The following RUNDC3B variants were observed in gnomAD, a reference collection of about 807,000 sequenced individuals.
RUNDC3B encodes the protein RUN domain-containing protein 3B.
A neutral mutation model predicts 58.4 loss-of-function variants in RUNDC3B; 33 were observed. The ratio of observed to expected loss-of-function variants is 0.56; its 90% CI spans 0.43 to 0.75. The LOEUF (loss-of-function observed/expected upper bound fraction) is 0.75. Among genes scored for constraint, RUNDC3B ranks in the 30% least tolerant of loss-of-function variants. The probability of loss-of-function intolerance (pLI) is 0.00; values close to 1 mark genes in which losing one functional copy is unlikely to be tolerated. For missense variants in RUNDC3B, 501 were observed against 535.7 expected, an observed-to-expected ratio of 0.94 and a Z score of 0.64; for synonymous variants, 193 against 195.2, an observed-to-expected ratio of 0.99 and a Z score of 0.10.
intron 3 of RUNDC3B, among the ~76,000 whole-genome samples, chr7:87,703,914 G>GTTTTTTTTTTTTTTTTTTTTTTTTTTT (rs35797972): frequency 3.0e-4 from 13 of 42,974 alleles, no homozygotes; most frequent in African/African-American, 3.8e-4. Flanking sequence ...TTTTTTTTTG[G>GTTTTTTTTTTTTTTTTTTTTTTTTTTT]TTTTTTTTTT....
chr7:87,806,914 GT>G (rs555739378), intron 8 of RUNDC3B, among the ~76,000 whole-genome samples: 5 of 150,562 alleles, frequency 3.3e-5, no homozygotes, highest in South Asian at 2.1e-4. Context: ...TTTGCAGTCA[GT>G]TTTTTTTTCA....
chr7:87,788,368 C>A (rs1228984504), intron 8 of RUNDC3B, among the ~76,000 whole-genome samples: 1 of 152,174 alleles, frequency 6.6e-6, no homozygotes, highest in Non-Finnish European at 1.5e-5. Context: ...CAGAGTGAGA[C>A]ACTGTGTCCA....
At chr7:87,752,913 G>C (rs1833109820) in intron 6 of RUNDC3B, among the ~76,000 whole-genome samples, 1 of 151,112 alleles carries the variant, frequency 6.6e-6, no homozygotes, top group African/African-American at 2.4e-5. Context: ...CTTGCCTTCT[G>C]CTAGCTTTTG....
chr7:87,674,334 C>G (rs2130542263), intron 2 of RUNDC3B, among the ~76,000 whole-genome samples: 1 of 152,154 alleles, frequency 6.6e-6, no homozygotes, highest in Non-Finnish European at 1.5e-5. Context: ...TGCTCTCTTG[C>G]TGCTATCATG....
intron 4 of RUNDC3B, among the ~76,000 whole-genome samples, chr7:87,734,036 C>A (rs1831771431): frequency 6.6e-6 from 1 of 152,160 alleles, no homozygotes; most frequent in South Asian, 2.1e-4. Context: ...CTAATAAACA[C>A]TAAAATGTTG....
At chr7:87,808,004 C>G (rs1177808169) in intron 9 of RUNDC3B, among the ~76,000 whole-genome samples, 3 of 152,114 alleles carry the variant, frequency 2.0e-5, no homozygotes, top group Non-Finnish European at 4.4e-5. Context: ...ATGTTCAGGA[C>G]TATTTCATTT....
At chr7:87,715,369 A>ATAATTATATATAATTAATTTATAT (rs1830484085) in intron 4 of RUNDC3B, among the ~76,000 whole-genome samples, 1 of 115,984 alleles carries the variant, frequency 8.6e-6, no homozygotes, top group African/African-American at 3.7e-5. Context: ...TTAATTTATA[A>ATAATTATATATAATTAATTTATAT]TAATTATATA....
intron 4 of RUNDC3B, among the ~76,000 whole-genome samples, chr7:87,718,078 T>C (rs1410600145): frequency 6.6e-6 from 1 of 152,152 alleles, no homozygotes; most frequent in Non-Finnish European, 1.5e-5. Context: ...TTTGATGATT[T>C]GCTAGGAGGA....
At chr7:87,716,243 T>A (rs979838335) in intron 4 of RUNDC3B, among the ~76,000 whole-genome samples, 6 of 152,212 alleles carry the variant, frequency 3.9e-5, no homozygotes, top group Non-Finnish European at 5.9e-5. Context: ...TTGCCAGATT[T>A]GTGGGATATT....
In RUNDC3B at chr7:87,807,418, T is replaced by G. The variant is rs1198550107; in HGVS notation, c.1002T>G (p.Thr334=). 1.2e-6 allele frequency: 2 copies of G among 1,613,548 alleles called. No individual in the cohort carries two copies. The highest frequency in any genetic ancestry group is 2.2e-5 in the East Asian group (1 of 44,884). ...NNDLRSRQEL[T]AHLTNQWPSP... ...ATTTAAGATCGAGACAAGAGTTAAC[T>G]GCCCATCTCACCAACCAGTGGCCTT... Residue 334 remains threonine, a synonymous_variant, in exon 9 of 11, where the codon ACT becomes ACG. Coordinates refer to ENST00000394654, the MANE Select transcript of RUNDC3B (RefSeq NM_001134405.2).
chr7:87,816,309 T>C, intron 10 of RUNDC3B, 47 bp downstream of exon 10: 2 of 1,517,468 alleles, frequency 1.3e-6, no homozygotes, highest in Non-Finnish European at 1.8e-6. Flanking sequence ...TCCTGTACCA[T>C]CTATATTTTG....
chr7:87,631,785 A>T (rs574736032), intron 1 of RUNDC3B, among the ~76,000 whole-genome samples: 1 of 152,272 alleles, frequency 6.6e-6, no homozygotes, highest in African/African-American at 2.4e-5. Flanking sequence ...TTCTAGGTTG[A>T]CTTTATCATT....
chr7:87,725,861 A>G (rs1036089768), intron 4 of RUNDC3B, among the ~76,000 whole-genome samples: 4 of 152,018 alleles, frequency 2.6e-5, no homozygotes, highest in African/African-American at 9.7e-5. Flanking sequence ...GCATTTTTTC[A>G]TGTGTCTGTT....
chr7:87,773,653 C>CTTGTCTTGTT (rs1323937623), intron 7 of RUNDC3B, among the ~76,000 whole-genome samples: 3 of 133,354 alleles, frequency 2.2e-5, no homozygotes, highest in African/African-American at 8.6e-5. Flanking sequence ...TTGTTTTTGT[C>CTTGTCTTGTT]TTGTCTTGTT....
chr7:87,684,964 A>G (rs1354680013), intron 2 of RUNDC3B, among the ~76,000 whole-genome samples: 1 of 152,126 alleles, frequency 6.6e-6, no homozygotes, highest in East Asian at 1.9e-4. Flanking sequence ...GGTGGGTTAT[A>G]GGTGTAAACA....
At chr7:87,714,801 C>T (rs2130758703) in intron 4 of RUNDC3B, among the ~76,000 whole-genome samples, 1 of 152,128 alleles carries the variant, frequency 6.6e-6, no homozygotes, top group East Asian at 1.9e-4. Flanking sequence ...TATAGGCTCT[C>T]CACAAGGGTC....
chr7:87,700,138 C>G (rs1036768483), intron 2 of RUNDC3B, among the ~76,000 whole-genome samples: 2 of 151,970 alleles, frequency 1.3e-5, no homozygotes, highest in African/African-American at 4.8e-5. Context: ...TGTTAAATGG[C>G]AAGATATTTC....
At chr7:87,756,631 A>G (rs1267483809) in intron 6 of RUNDC3B, among the ~76,000 whole-genome samples, 1 of 152,096 alleles carries the variant, frequency 6.6e-6, no homozygotes, top group Non-Finnish European at 1.5e-5. Flanking sequence ...AGTAGTCTGA[A>G]TAAGTGAGAA....
intron 10 of RUNDC3B, among the ~76,000 whole-genome samples, chr7:87,818,612 C>G (rs1174019678): frequency 6.6e-6 from 1 of 152,124 alleles, no homozygotes; most frequent in East Asian, 1.9e-4. Flanking sequence ...TCAGCATAAA[C>G]AGCAGACATT....
Sources: gnomAD v4.1 joint callset for allele counts (sites outside exome capture counted in the v4.1 genomes callset) on GRCh38, gnomAD v4.1.1 for gene constraint, MANE v1.5 for transcripts, NCBI Gene and HGNC (gene_info 2026-07-23, HGNC 2026-07-21) for gene names.